Variants in WRN observed in about 807,000 individuals in gnomAD.
WRN encodes WRN RecQ like helicase, also known as bifunctional 3'-5' exonuclease/ATP-dependent helicase WRN.
Under a neutral mutation model 180.7 loss-of-function variants are expected in WRN, and 149 were observed. The ratio of observed to expected loss-of-function variants is 0.82; its 90% CI spans 0.72 to 0.94. WRN has a LOEUF of 0.94. Ranked by LOEUF, WRN falls within the 40% of genes least tolerant of loss-of-function variation. The pLI, the probability that WRN is intolerant of heterozygous loss-of-function variation, is 0.00. For synonymous variants in WRN, 548 were observed against 568.9 expected (o/e 0.96, Z 0.52); for missense variants, 1,661 against 1,700.1 (o/e 0.98, Z 0.40).
At chr8:31,068,451 C>A in intron 7 of WRN, 124 bp downstream of exon 7, 1 of 794,482 alleles carries the variant, frequency 1.3e-6, no homozygotes, top group East Asian at 2.8e-5. Flanking sequence ...CTGAGCAGTC[C>A]TGACATTAGG....
rs558392613 is a variant in WRN at position 31,173,513 on chromosome 8, A to G, written c.*411A>G. ...CAAAATTCTGTTTTGTAAATGTAAG[A>G]AAGCATAGTTATTTTACAAATTGTT... On this transcript the variant is annotated 3_prime_UTR_variant, in exon 35 of 35. Transcript: ENST00000298139. The G allele has an allele frequency of 4.7e-5, 9 of 190,900 alleles. No homozygotes were observed. Among genetic ancestry groups the G allele is most frequent in the African/African-American group, 1.4e-4 (6 of 42,774 alleles). The allele number at this position is 190,900 out of a possible 1,614,324, so 11.8% of individuals were successfully genotyped here.
rs1804195505 is a variant in WRN at position 31,174,119 on chromosome 8, A to G, written c.*1017A>G. Among the ~76,000 whole-genome samples, 1 of 152,206 alleles carries G rather than the reference A, an allele frequency of 6.6e-6. No homozygotes were observed. The highest frequency in any genetic ancestry group is 1.5e-5 in the Non-Finnish European group (1 of 68,024). ...TTTGTGTATCCCACCAGACTTTTTT[A>G]TATTCATTTGTTTTTAGTTAAAATA... On this transcript the variant is annotated 3_prime_UTR_variant, in exon 35 of 35. Coordinates refer to ENST00000298139, the MANE Select transcript of WRN (RefSeq NM_000553.6).
intron 7 of WRN, among the ~76,000 whole-genome samples, chr8:31,070,223 C>T (rs1355131813): frequency 6.6e-6 from 1 of 151,280 alleles, no homozygotes; most frequent in African/African-American, 2.4e-5. Context: ...TTCCTTCCTT[C>T]CTCCCTTCCT....
intron 32 of WRN, among the ~76,000 whole-genome samples, chr8:31,155,998 C>T (rs950987842): frequency 2.6e-5 from 4 of 152,126 alleles, no homozygotes; most frequent in African/African-American, 9.7e-5. Context: ...AAGGCCATTG[C>T]CCAAGAAACC....
At position 31,120,570 on chromosome 8, in the gene WRN, T is replaced by C. The variant is rs865928025; in HGVS notation, c.2630+146T>C. 5.2e-5 allele frequency: 44 copies of C among 844,580 alleles called. No individual in the cohort carries two copies. In the Middle Eastern group the frequency reaches 2.2e-3, roughly 42 times the overall value. The allele number at this position is 844,580 out of a possible 1,614,324, so 52.3% of individuals were successfully genotyped here. A position where few individuals can be genotyped will look rare whatever the true frequency, so the allele number is the denominator to read the frequency against. On this transcript the variant is annotated intron_variant, in intron 21 of 34. Coordinates refer to ENST00000298139, the MANE Select transcript of WRN (RefSeq NM_000553.6). ...AAAAAAAAAAAAGAAAAATAAAACC[T>C]CCCCAAATCCAGAGGACATGTAAGA... is the stretch of plus-strand genomic sequence containing the variant.
intron 30 of WRN, among the ~76,000 whole-genome samples, chr8:31,149,997 G>A (rs906341842): frequency 6.6e-6 from 1 of 152,040 alleles, no homozygotes; most frequent in East Asian, 1.9e-4. Context: ...CCCAGTTAAA[G>A]CCTCATATTT....
At chr8:31,055,363 A>G (rs976011010) in intron 1 of WRN, among the ~76,000 whole-genome samples, 5 of 152,168 alleles carry the variant, frequency 3.3e-5, no homozygotes, top group Non-Finnish European at 5.9e-5. Context: ...ATTCCCACCA[A>G]CAGTGTAAAA....
chr8:31,057,845 A>G (rs11574173), intron 1 of WRN, among the ~76,000 whole-genome samples: 1,993 of 152,208 alleles, frequency 0.013, 39 homozygotes, highest in African/African-American at 0.044. Flanking sequence ...GAGTGCCCTC[A>G]AAGATATTAA....
rs760280044 is a variant in WRN, at chr8:31,147,088, C to A, written c.3419C>A (p.Ser1140Tyr). 2.5e-6 allele frequency: 4 copies of A among 1,613,764 alleles called. No homozygotes were observed. Among genetic ancestry groups the A allele is most frequent in the Non-Finnish European group, 3.4e-6 (4 of 1,179,822 alleles). The part of the protein sequence containing the change: ...MVQSPEKAYS[S>Y]SQPVISAQEQ... ...CAGTCACCAGAAAAAGCTTACAGTT[C>A]CTCACAGCCTGTTATTTCGGCACAA... Residue 1140 changes from serine (S) to tyrosine (Y), a missense_variant, in exon 29 of 35, where the codon TCC (serine) becomes TAC (tyrosine). This residue lies in a region of WRN where 1,141 missense variants were observed against 1,149.4 expected (regional missense o/e 0.99). Transcript: ENST00000298139.
chr8:31,058,320 C>T (rs904146243), intron 1 of WRN, 52 bp from the exon 2 acceptor site: 6 of 780,606 alleles, frequency 7.7e-6, no homozygotes, highest in African/African-American at 1.7e-5. Context: ...TCATAACTTA[C>T]TTTAAATATG....
chr8:31,140,904 C>T (rs905695468), intron 24 of WRN, among the ~76,000 whole-genome samples: 3 of 152,016 alleles, frequency 2.0e-5, no homozygotes, highest in Non-Finnish European at 2.9e-5. Context: ...CACAGGTGCC[C>T]GCCACAACAC....
intron 33 of WRN, among the ~76,000 whole-genome samples, chr8:31,159,141 A>G (rs1033830779): frequency 6.6e-6 from 1 of 151,956 alleles, no homozygotes; most frequent in Non-Finnish European, 1.5e-5. Flanking sequence ...CTCTACAAAA[A>G]ATAAGAAAAT....
At chr8:31,164,036 C>A (rs547953591) in intron 33 of WRN, among the ~76,000 whole-genome samples, 5 of 152,176 alleles carry the variant, frequency 3.3e-5, no homozygotes, top group African/African-American at 4.8e-5. Flanking sequence ...TGAGTTCTCA[C>A]TACATTGCCC....
At chr8:31,097,547 C>A (rs1814039921) in intron 17 of WRN, among the ~76,000 whole-genome samples, 1 of 152,130 alleles carries the variant, frequency 6.6e-6, no homozygotes, top group South Asian at 2.1e-4. Context: ...TAGTCAAAAG[C>A]TGATAGCACT....
chr8:31,044,529 G>A (rs1205113970), intron 1 of WRN, among the ~76,000 whole-genome samples: 1 of 151,698 alleles, frequency 6.6e-6, no homozygotes, highest in Non-Finnish European at 1.5e-5. Flanking sequence ...GCTAATTTTT[G>A]TATTTTTATT....
chr8:31,059,883 C>G (rs370121465), intron 3 of WRN, among the ~76,000 whole-genome samples: 2 of 151,946 alleles, frequency 1.3e-5, no homozygotes, highest in Non-Finnish European at 2.9e-5. Flanking sequence ...GGTGAAACAC[C>G]GTCTCTACTA....
At chr8:31,065,864 A>G (rs1812675105) in intron 5 of WRN, among the ~76,000 whole-genome samples, 1 of 150,460 alleles carries the variant, frequency 6.6e-6, no homozygotes, top group Non-Finnish European at 1.5e-5. Context: ...ATGTCTTGGC[A>G]TAGAGTTTCT....
intron 16 of WRN, among the ~76,000 whole-genome samples, chr8:31,095,983 A>T (rs1813952818): frequency 6.6e-6 from 1 of 152,212 alleles, no homozygotes; most frequent in African/African-American, 2.4e-5. Flanking sequence ...AGTTATTGTC[A>T]CCGTTTTATA....
Position 31,053,246 on chromosome 8 carries a change from G to A in WRN, c.-76-5126G>A, listed in dbSNP as rs375659819. On this transcript the variant is annotated intron_variant, in intron 1 of 34. Transcript: ENST00000298139. ...ACATACAAGGTACTATGGAAAAAGA[G>A]TGGAAGTTTGGGACAGGTAATGACA... Among the ~76,000 whole-genome samples, 5 of 152,304 alleles carry A rather than the reference G, an allele frequency of 3.3e-5. No homozygotes were observed. The East Asian group carries it at 7.7e-4, about 24-fold the overall frequency.
Sources: allele counts gnomAD v4.1 joint callset (sites outside exome capture counted in the v4.1 genomes callset), GRCh38; gene constraint gnomAD v4.1.1; regional missense constraint gnomAD v4.1.1; transcripts MANE v1.5; gene names NCBI Gene and HGNC (gene_info 2026-07-23, HGNC 2026-07-21).